Variants in ZBTB1 observed in about 807,000 individuals in gnomAD.
ZBTB1 encodes the protein zinc finger and BTB domain containing 1.
In ZBTB1, 13 loss-of-function variants were observed where a neutral mutation model predicts 51.6. The observed-to-expected ratio is 0.25, with a 90% CI of 0.16 to 0.40. The LOEUF (loss-of-function observed/expected upper bound fraction) is 0.40. ZBTB1 is among the 10% of genes least tolerant of loss of function. The probability of loss-of-function intolerance (pLI) is 1.00; values close to 1 mark genes in which losing one functional copy is unlikely to be tolerated. For missense variants in ZBTB1, 567 were observed against 856.5 expected (o/e 0.66, Z 4.22); for synonymous variants, 240 against 282.2 (o/e 0.85, Z 1.50).
chr14:64,521,582 C>T lies in ZBTB1; in HGVS notation c.78C>T (p.Cys26=), dbSNP rs766433060. 1 of 1,614,186 alleles carries T rather than the reference C, an allele frequency of 6.2e-7. No homozygotes were observed. Among genetic ancestry groups the T allele is most frequent in the Non-Finnish European group, 8.5e-7 (1 of 1,180,042 alleles). The change falls in exon 2 of 2, where the codon TGC becomes TGT. Residue 26 remains cysteine (C), a synonymous_variant. Coordinates refer to ENST00000683701, the MANE Select transcript of ZBTB1 (RefSeq NM_001123329.2). ...GAGAATGGGGTTTTCTCTGTGACTGCTGTATTGCAATTGATGACATTTACT... is the reference window on the plus strand; with the variant it reads ...GAGAATGGGGTTTTCTCTGTGACTGTTGTATTGCAATTGATGACATTTACT... The part of the protein sequence containing the change: ...NQREWGFLCD[C]CIAIDDIYFQ...
At chr14:64,533,556 G>A (rs1225950983) in exon 3 of ZBTB1, 1 of 152,436 alleles carries the variant, frequency 6.6e-6, no homozygotes, top group African/African-American at 2.4e-5. Flanking sequence ...TGGTATAAAT[G>A]CATTCTACAA....
chr14:64,521,919 A>C lies in ZBTB1; in HGVS notation c.415A>C (p.Ile139Leu), dbSNP rs978483191. Residue 139 changes from isoleucine (I) to leucine (L), a missense_variant, in exon 2 of 2, where the codon ATA (isoleucine) becomes CTA (leucine). This residue lies in a region of ZBTB1 where 74 missense variants were observed against 74.9 expected (regional missense o/e 0.99). Transcript: ENST00000683701. The stretch of plus-strand genomic sequence containing the variant: ...TTCCAGCAAACAGAACAGCAAAATG[A>C]TATTTGGGGTAAGAATGTATGAAGA... ...SASSKQNSKMIFGVRMYEDTV... is the reference protein window; with the variant it reads ...SASSKQNSKMLFGVRMYEDTV... The C allele has an allele frequency of 2.5e-6, 4 of 1,614,062 alleles. No homozygotes were observed. The Admixed American group carries it at 5.0e-5, about 20-fold the overall frequency.
chr14:64,509,814 A>G (rs1464054715), intron 1 of ZBTB1, among the ~76,000 whole-genome samples: 2 of 151,538 alleles, frequency 1.3e-5, no homozygotes, highest in African/African-American at 4.9e-5. Context: ...TACTAAAAAT[A>G]CAAAAAAAAA....
intron 1 of ZBTB1, among the ~76,000 whole-genome samples, chr14:64,508,057 G>A (rs1387515721): frequency 6.6e-6 from 1 of 152,148 alleles, no homozygotes; most frequent in East Asian, 1.9e-4. Context: ...GGAAGCGGCA[G>A]GGTCTCACTC....
chr14:64,528,735 T>G (rs1019835804), downstream of ZBTB1, among the ~76,000 whole-genome samples: 15 of 152,230 alleles, frequency 9.9e-5, no homozygotes, highest in Admixed American at 9.8e-4. Flanking sequence ...CTCTCTATAC[T>G]CTGCAAAGTG....
intron 1 of ZBTB1, among the ~76,000 whole-genome samples, chr14:64,509,765 AT>A (rs1329134970): frequency 4.0e-5 from 6 of 151,520 alleles, no homozygotes; most frequent in Non-Finnish European, 8.8e-5. Flanking sequence ...AGGTCAGGAG[AT>A]TGAGACCATC....
intron 1 of ZBTB1, among the ~76,000 whole-genome samples, chr14:64,512,185 T>C (rs927061299): frequency 6.6e-6 from 1 of 152,180 alleles, no homozygotes; most frequent in African/African-American, 2.4e-5. Flanking sequence ...CTCTGAGAAG[T>C]ATGATTATCC....
intron 2 of ZBTB1, among the ~76,000 whole-genome samples, chr14:64,530,076 T>C (rs922259272): frequency 5.9e-5 from 9 of 152,354 alleles, no homozygotes; most frequent in Non-Finnish European, 1.3e-4. Flanking sequence ...TTTAATGGTT[T>C]AAGTGAAACA....
chr14:64,513,230 CATATATCCAT>C (rs144971784), intron 1 of ZBTB1, among the ~76,000 whole-genome samples: 5,823 of 151,952 alleles, frequency 0.038, 382 homozygotes, highest in African/African-American at 0.13. Flanking sequence ...ATATATATTG[CATATATCCAT>C]ATATATCCAT....
chr14:64,522,711 G>A lies in ZBTB1; in HGVS notation c.1207G>A (p.Glu403Lys), dbSNP rs1417342962. 6.2e-7 allele frequency: 1 copy of A among 1,614,048 alleles called. No homozygotes were observed. Among genetic ancestry groups the A allele is most frequent in the Non-Finnish European group, 8.5e-7 (1 of 1,180,022 alleles). The change falls in exon 2 of 2, where the codon GAG becomes AAG. Residue 403 changes from glutamate to lysine, a missense_variant. Physicochemically the swap from Glu to Lys is moderately conservative, Grantham distance 56 (BLOSUM62 1). Transcript: ENST00000683701. ...AAGTGCTGATGAAAGAGGTGGTTTA[G>A]AGAATATGAGGCCCCCTAACAACAG... ...SVSADERGGL[E>K]NMRPPNNSSP...
chr14:64,507,356 A>G (rs764956352), intron 1 of ZBTB1, among the ~76,000 whole-genome samples: 49 of 152,178 alleles, frequency 3.2e-4, no homozygotes, highest in Non-Finnish European at 6.3e-4. Context: ...ACTCGTGTCT[A>G]TTTTTTCTCA....
chr14:64,507,087 A>G (rs767474638), intron 1 of ZBTB1, among the ~76,000 whole-genome samples: 7 of 152,228 alleles, frequency 4.6e-5, no homozygotes, highest in Non-Finnish European at 8.8e-5. Context: ...TAGCCAGGAA[A>G]AGCACTAAGC....
downstream of ZBTB1, among the ~76,000 whole-genome samples, chr14:64,526,400 CAA>C (rs907793326): frequency 6.6e-6 from 1 of 152,122 alleles, no homozygotes; most frequent in African/African-American, 2.4e-5. Flanking sequence ...GGTAATGAAA[CAA>C]GTGTGTTGAA....
At chr14:64,530,804 G>C (rs2079936829) in intron 2 of ZBTB1, among the ~76,000 whole-genome samples, 1 of 151,978 alleles carries the variant, frequency 6.6e-6, no homozygotes, top group Non-Finnish European at 1.5e-5. Context: ...ATCACTAAGG[G>C]ACAGAAAGCC....
In ZBTB1 at chr14:64,522,673, C is replaced by T. The variant is rs1319884602; in HGVS notation, c.1169C>T (p.Pro390Leu). 3 of 1,613,904 alleles carry T rather than the reference C, an allele frequency of 1.9e-6. No homozygotes were observed. Among genetic ancestry groups the T allele is most frequent in the Non-Finnish European group, 2.5e-6 (3 of 1,179,986 alleles). ...IKKSGRKTLKPRMSVSADERG... is the reference protein window; with the variant it reads ...IKKSGRKTLKLRMSVSADERG... ...AAAAGTGGTAGGAAAACTCTAAAAC[C>T]TCGAATGTCAGTAAGTGCTGATGAA... is the stretch of plus-strand genomic sequence containing the variant. The change falls in exon 2 of 2, where the codon CCT (proline) becomes CTT (leucine). Residue 390 changes from proline to leucine, a missense_variant. Pro to Leu is a moderately conservative substitution (Grantham distance 98). Around this residue, in one of 5 missense-constraint regions of ZBTB1, gnomAD observed 329 missense variants for 406.3 expected, o/e 0.81. Transcript: ENST00000683701.
intron 1 of ZBTB1, among the ~76,000 whole-genome samples, chr14:64,517,929 G>C (rs1326421076): frequency 6.6e-6 from 1 of 151,090 alleles, no homozygotes; most frequent in Non-Finnish European, 1.5e-5. Context: ...CCTCTCCCAG[G>C]CGCAAGCAAT....
downstream of ZBTB1, among the ~76,000 whole-genome samples, chr14:64,528,333 A>G (rs1385231490): frequency 2.4e-5 from 3 of 122,852 alleles, no homozygotes; most frequent in Non-Finnish European, 5.2e-5. Context: ...AAGTTAAAAC[A>G]TTTTTCTTTT....
chr14:64,520,439 C>T (rs896696201), intron 1 of ZBTB1, among the ~76,000 whole-genome samples: 2 of 152,100 alleles, frequency 1.3e-5, no homozygotes, highest in East Asian at 1.9e-4. Flanking sequence ...ATCAGTCTCC[C>T]GAGTAGTTGG....
At chr14:64,517,777 A>ATTTTTTTTTTT (rs1566632884) in intron 1 of ZBTB1, among the ~76,000 whole-genome samples, 1 of 43,030 alleles carries the variant, frequency 2.3e-5, no homozygotes, top group Non-Finnish European at 4.5e-5. Context: ...ATATATATAT[A>ATTTTTTTTTTT]TATATTTTTT....
Sources: allele counts gnomAD v4.1 joint callset (sites outside exome capture counted in the v4.1 genomes callset), GRCh38; gene constraint gnomAD v4.1.1; regional missense constraint gnomAD v4.1.1; transcripts MANE v1.5; gene names NCBI Gene and HGNC (gene_info 2026-07-23, HGNC 2026-07-21).